HHAT: variants seen among roughly 807,000 people sequenced by gnomAD.
HHAT encodes the protein hedgehog acyltransferase.
In HHAT, 47 loss-of-function variants were observed where a neutral mutation model predicts 70.8. That is an observed-to-expected ratio of 0.66 (90% confidence interval 0.53 to 0.85). The LOEUF (loss-of-function observed/expected upper bound fraction) is 0.85. Ranked by LOEUF, HHAT falls within the 40% of genes least tolerant of loss-of-function variation. The pLI, the probability that HHAT is intolerant of heterozygous loss-of-function variation, is 0.00. For synonymous variants in HHAT, 228 were observed against 247.6 expected, an observed-to-expected ratio of 0.92 and a Z score of 0.74; for missense variants, 609 against 604.8, an observed-to-expected ratio of 1.01 and a Z score of -0.07.
chr1:210,522,771 C>A (rs916153689), intron 9 of HHAT, among the ~76,000 whole-genome samples: 1 of 151,914 alleles, frequency 6.6e-6, no homozygotes, highest in African/African-American at 2.4e-5. Context: ...TGCCCCCCAC[C>A]CCCCAATCCC....
At chr1:210,477,698 T>G (rs2148476746) in intron 8 of HHAT, among the ~76,000 whole-genome samples, 1 of 152,330 alleles carries the variant, frequency 6.6e-6, no homozygotes, top group South Asian at 2.1e-4. Context: ...AATTAAAATA[T>G]ACATCGTGGG....
rs139579749 is a variant in HHAT, at chr1:210,411,512, G to T, written c.685-6642G>T. 4.6e-3 allele frequency among the ~76,000 whole-genome samples: 707 copies of T among 152,248 alleles called. 4 individuals are homozygous for T. Among genetic ancestry groups the T allele is most frequent in the African/African-American group, 0.016 (666 of 41,558 alleles). ...TTTACACCTGTAATCCCAGTGCTTT[G>T]GGAGGCTGAGGTAGGAGGATCACTT... is the stretch of plus-strand genomic sequence containing the variant. On this transcript the variant is annotated intron_variant, in intron 6 of 11. Coordinates refer to ENST00000261458, the MANE Select transcript of HHAT (RefSeq NM_018194.6).
intron 2 of HHAT, among the ~76,000 whole-genome samples, chr1:210,355,058 A>G (rs2087466683): frequency 6.6e-6 from 1 of 152,024 alleles, no homozygotes; most frequent in Non-Finnish European, 1.5e-5. Context: ...ACTTAAGATT[A>G]TTTCTGAGTC....
intron 11 of HHAT, among the ~76,000 whole-genome samples, chr1:210,669,059 C>T (rs1574127105): frequency 6.6e-6 from 1 of 152,338 alleles, no homozygotes; most frequent in East Asian, 1.9e-4. Flanking sequence ...AGGTGTGAGC[C>T]ACCGCGCCTG....
chr1:210,331,782 C>T (rs887651908), intron 1 of HHAT, among the ~76,000 whole-genome samples: 3 of 152,118 alleles, frequency 2.0e-5, no homozygotes, highest in African/African-American at 7.2e-5. Context: ...ACTTATCTGC[C>T]GACTTGAACA....
intron 9 of HHAT, among the ~76,000 whole-genome samples, chr1:210,581,241 G>T (rs1659205852): frequency 1.3e-5 from 2 of 152,138 alleles, no homozygotes; most frequent in Admixed American, 6.6e-5. Context: ...TTGTCAGATG[G>T]GTAGATTGTG....
Position 210,329,104 on chromosome 1 carries a change from GGTTGGTA to G in HHAT, c.-44+1_-44+7del. 1 of 1,391,258 alleles carries G rather than the reference GGTTGGTA, an allele frequency of 7.2e-7. No individual in the cohort carries two copies. Among genetic ancestry groups the G allele is most frequent in the Non-Finnish European group, 9.3e-7 (1 of 1,071,746 alleles). The allele number at this position is 1,391,258 out of a possible 1,614,324, so 86.2% of individuals were successfully genotyped here. Reference sequence around the variant, plus strand: ...TCGCCGCCGCCCGGGACAGCCCGGAGGTTGGTAACTGGTGACCATAGGGGGTCCTGGG... The same window carrying G: ...TCGCCGCCGCCCGGGACAGCCCGGAGACTGGTGACCATAGGGGGTCCTGGG... On this transcript the variant is annotated splice_donor_variant and splice_donor_5th_base_variant and intron_variant, in intron 1 of 11. Coordinates refer to ENST00000261458, the MANE Select transcript of HHAT (RefSeq NM_018194.6). LOFTEE classifies it low-confidence loss of function (5UTR_SPLICE).
At chr1:210,460,525 G>A (rs2093957760) in intron 7 of HHAT, among the ~76,000 whole-genome samples, 1 of 152,060 alleles carries the variant, frequency 6.6e-6, no homozygotes, top group Admixed American at 6.5e-5. Flanking sequence ...CCTGTCCTCG[G>A]GGTGTGGGTA....
chr1:210,370,207 A>C (rs1484901225), intron 3 of HHAT, among the ~76,000 whole-genome samples: 9 of 127,652 alleles, frequency 7.1e-5, no homozygotes, highest in Admixed American at 2.9e-4. Flanking sequence ...GCAGAGTCTC[A>C]CTGTGTCACC....
Position 210,400,537 on chromosome 1 carries a change from G to T in HHAT, c.343G>T (p.Ala115Ser). The change falls in exon 5 of 12, where the codon GCT becomes TCT. Residue 115 changes from alanine (A) to serine (S), a missense_variant. Coordinates refer to ENST00000261458, the MANE Select transcript of HHAT (RefSeq NM_018194.6). ...GTGTGTGCTGGGGACCCCTGGTGTG[G>T]CTATGGTTTTGCTCCATACCACCAT... ...CWCVLGTPGV[A>S]MVLLHTTISF... is the part of the protein sequence containing the mutation. 6.2e-7 allele frequency: 1 copy of T among 1,614,074 alleles called. No individual in the cohort carries two copies. The highest frequency in any genetic ancestry group is 8.5e-7 in the Non-Finnish European group (1 of 1,180,008).
chr1:210,441,662 C>T (rs900879938), intron 7 of HHAT, among the ~76,000 whole-genome samples: 2 of 151,982 alleles, frequency 1.3e-5, no homozygotes, highest in African/African-American at 4.8e-5. Flanking sequence ...ATTTTCGTCA[C>T]CATGAAAGTG....
At chr1:210,550,693 A>G (rs1558143782) in intron 9 of HHAT, among the ~76,000 whole-genome samples, 1 of 148,846 alleles carries the variant, frequency 6.7e-6, no homozygotes, top group Non-Finnish European at 1.5e-5. Context: ...TTTTTGAGAC[A>G]GAGTCTCACT....
chr1:210,514,908 T>C (rs1035128612), intron 9 of HHAT, among the ~76,000 whole-genome samples: 1 of 152,248 alleles, frequency 6.6e-6, no homozygotes, highest in Non-Finnish European at 1.5e-5. Context: ...TTGCGATCCC[T>C]CTTCTCTTTC....
intron 7 of HHAT, among the ~76,000 whole-genome samples, chr1:210,434,067 A>G (rs1444046977): frequency 6.6e-6 from 1 of 151,994 alleles, no homozygotes; most frequent in East Asian, 1.9e-4. Flanking sequence ...AGGAATATTA[A>G]TTAATGAGGA....
chr1:210,564,727 G>C lies in HHAT; in HGVS notation c.1044-23171G>C, dbSNP rs543388312. On this transcript the variant is annotated intron_variant, in intron 9 of 11. Coordinates refer to ENST00000261458, the MANE Select transcript of HHAT (RefSeq NM_018194.6). ...TGTCAATGCACAATGTAATAGATAG[G>C]ACAAATAAGAGAGAGACACAGATGT... Among the ~76,000 whole-genome samples the C allele has an allele frequency of 4.0e-5, 6 of 151,772 alleles. No individual in the cohort carries two copies. The South Asian group carries it at 1.3e-3, about 32-fold the overall frequency.
chr1:210,594,858 G>T (rs1393355404), intron 10 of HHAT, among the ~76,000 whole-genome samples: 2 of 152,032 alleles, frequency 1.3e-5, no homozygotes, highest in Non-Finnish European at 2.9e-5. Context: ...TTTATGTCTT[G>T]CTACCCTCCC....
At chr1:210,561,774 A>AT (rs568092425) in intron 9 of HHAT, among the ~76,000 whole-genome samples, 6 of 152,162 alleles carry the variant, frequency 3.9e-5, no homozygotes, top group African/African-American at 1.2e-4. Flanking sequence ...CGTACTTATC[A>AT]TTTTTTTGTG....
intron 8 of HHAT, among the ~76,000 whole-genome samples, chr1:210,466,242 G>A (rs1184883103): frequency 6.6e-6 from 1 of 152,224 alleles, no homozygotes; most frequent in African/African-American, 2.4e-5. Context: ...TTCAAAAGGT[G>A]GGGTTTCTTT....
intron 6 of HHAT, among the ~76,000 whole-genome samples, chr1:210,416,112 TAGAG>T (rs2092712979): frequency 1.3e-5 from 2 of 152,308 alleles, no homozygotes; most frequent in East Asian, 1.9e-4. Flanking sequence ...GGAGGACAGT[TAGAG>T]AGACTGGAAG....
Sources: allele counts gnomAD v4.1 joint callset (sites outside exome capture counted in the v4.1 genomes callset), GRCh38; gene constraint gnomAD v4.1.1; transcripts MANE v1.5; gene names NCBI Gene and HGNC (gene_info 2026-07-23, HGNC 2026-07-21).